The following LTA4H variants were observed in gnomAD, a reference collection of about 807,000 sequenced individuals.
LTA4H encodes leukotriene A4 hydrolase, also known as leukotriene A-4 hydrolase.
Under a neutral mutation model 89.8 loss-of-function variants are expected in LTA4H, and 59 were observed. That is an observed-to-expected ratio of 0.66 (90% CI 0.53 to 0.82). The LOEUF is 0.82. Ranked by LOEUF, LTA4H falls within the 40% of genes least tolerant of loss-of-function variation. The pLI, the probability that LTA4H is intolerant of heterozygous loss-of-function variation, is 0.00. For missense variants in LTA4H, 617 were observed against 727.0 expected, an observed-to-expected ratio of 0.85 and a Z score of 1.74; for synonymous variants, 227 against 253.1, an observed-to-expected ratio of 0.90 and a Z score of 0.98.
chr12:96,004,294 C>T (rs940444243), intron 16 of LTA4H, among the ~76,000 whole-genome samples: 12 of 152,204 alleles, frequency 7.9e-5, no homozygotes, highest in Non-Finnish European at 1.2e-4. Flanking sequence ...AATCATAGTT[C>T]CTTAATTTTT....
intron 1 of LTA4H, 124 bp downstream of exon 1, chr12:96,035,237 C>T (rs1950625316): frequency 1.0e-6 from 1 of 956,316 alleles, no homozygotes; most frequent in Non-Finnish European, 1.5e-6. Flanking sequence ...GAAGAGCAGA[C>T]GGGGACGTGG....
chr12:96,006,833 C>T (rs1020408981), intron 15 of LTA4H, among the ~76,000 whole-genome samples: 2 of 152,112 alleles, frequency 1.3e-5, no homozygotes, highest in African/African-American at 4.8e-5. Flanking sequence ...ATGTTTTCCT[C>T]CATCCCCACA....
At chr12:96,035,195 A>G (rs1205813291) in intron 1 of LTA4H, among the ~76,000 whole-genome samples, 166 bp downstream of exon 1, 1 of 152,194 alleles carries the variant, frequency 6.6e-6, no homozygotes, top group Admixed American at 6.5e-5. Flanking sequence ...CTGGGGGCTG[A>G]AGTGCACAAC....
chr12:96,009,297 AACTT>A (rs1460042051), intron 14 of LTA4H, 149 bp from the exon 15 acceptor site: 1 of 606,132 alleles, frequency 1.6e-6, no homozygotes, highest in Admixed American at 2.9e-5. Flanking sequence ...TATTTTACCT[AACTT>A]ACATACTACT....
exon 1 of LTA4H, chr12:96,043,392 G>A (rs1950703808): frequency 2.0e-6 from 3 of 1,480,358 alleles, no homozygotes; most frequent in Non-Finnish European, 2.7e-6. Context: ...CAGATTAGAG[G>A]AGGTGTAGAC....
chr12:96,023,597 T>C (rs1052003922), intron 4 of LTA4H, among the ~76,000 whole-genome samples: 2 of 152,158 alleles, frequency 1.3e-5, no homozygotes, highest in African/African-American at 4.8e-5. Flanking sequence ...GTGGGATGAT[T>C]TGGGAAGCAA....
intron 6 of LTA4H, among the ~76,000 whole-genome samples, chr12:96,019,744 A>C (rs569947889): frequency 6.6e-6 from 1 of 151,812 alleles, no homozygotes; most frequent in Admixed American, 6.5e-5. Context: ...GGTGCCCGCC[A>C]CCACGCCCAG....
intron 1 of LTA4H, 33 bp from the exon 2 acceptor site, chr12:96,029,218 A>G (rs769450212): frequency 1.5e-6 from 2 of 1,296,418 alleles, no homozygotes; most frequent in South Asian, 2.9e-5. Context: ...GTAAGAAAAT[A>G]GTTTCATTTA....
intron 1 of LTA4H, among the ~76,000 whole-genome samples, chr12:96,030,314 C>T (rs1273440322): frequency 1.3e-5 from 2 of 152,238 alleles, no homozygotes; most frequent in East Asian, 3.9e-4. Context: ...TCCTTCACTC[C>T]CTAGCTCTTA....
upstream of LTA4H, among the ~76,000 whole-genome samples, chr12:96,040,172 G>A (rs1428960639): frequency 6.6e-6 from 1 of 152,184 alleles, no homozygotes. Flanking sequence ...TTTTTCAGGT[G>A]GACTTAGCAG....
chr12:96,022,366 G>A lies in LTA4H; in HGVS notation c.481-115C>T. The A allele has an allele frequency of 6.2e-6, 4 of 644,086 alleles. No homozygotes were observed. The highest frequency in any genetic ancestry group is 2.9e-5 in the East Asian group (1 of 34,968). The allele number at this position is 644,086 out of a possible 1,614,324, so 39.9% of individuals were successfully genotyped here. A position where few individuals can be genotyped will look rare whatever the true frequency, so the allele number is the denominator to read the frequency against. ...CTTGACTATCTAATAAACAGACTAT[G>A]AACACAAAAAGTATATACATATACA... On this transcript the variant is annotated intron_variant, in intron 4 of 18. Transcript: ENST00000228740. The surrounding 1 kb of genome is among the most constrained non-coding windows in gnomAD (Gnocchi z 4.0).
At chr12:96,029,985 T>C (rs1438385793) in intron 1 of LTA4H, among the ~76,000 whole-genome samples, 2 of 152,160 alleles carry the variant, frequency 1.3e-5, no homozygotes, top group South Asian at 2.1e-4. Context: ...TTGACTGCTA[T>C]GACTACTACT....
intron 1 of LTA4H, among the ~76,000 whole-genome samples, chr12:96,033,191 A>G (rs1019647873): frequency 2.0e-5 from 3 of 152,222 alleles, no homozygotes; most frequent in African/African-American, 7.2e-5. Context: ...AAAAATTTTC[A>G]TTCTTTTACT....
chr12:96,015,026 A>G (rs775836137), intron 11 of LTA4H, 27 bp from the exon 12 acceptor site: 2 of 1,602,172 alleles, frequency 1.2e-6, no homozygotes, highest in Admixed American at 3.5e-5. Flanking sequence ...AACATGGAGA[A>G]ACATATAGAA....
chr12:96,015,664 T>C lies in LTA4H; in HGVS notation c.978A>G (p.Glu326=), dbSNP rs1306538707. 6.2e-7 allele frequency: 1 copy of C among 1,613,488 alleles called. No individual in the cohort carries two copies. Among genetic ancestry groups the C allele is most frequent in the East Asian group, 2.2e-5 (1 of 44,878 alleles). Residue 326 remains glutamate, a synonymous_variant, in exon 11 of 19, where the codon GAA becomes GAG. Coordinates refer to ENST00000228740, the MANE Select transcript of LTA4H (RefSeq NM_000895.3). Reference sequence around the variant, plus strand: ...CAAACAATCGTCCGCAAATGTGGCGTTCCAAGTACACAGTATGTCCCTCAT... The same window carrying C: ...CAAACAATCGTCCGCAAATGTGGCGCTCCAAGTACACAGTATGTCCCTCAT... ...WLNEGHTVYL[E]RHICGRLFGE... is the part of the protein sequence containing the mutation.
At chr12:96,010,567 T>C (rs1161710039) in intron 14 of LTA4H, 1 of 152,246 alleles carries the variant, frequency 6.6e-6, no homozygotes, top group Admixed American at 6.5e-5. Context: ...GGAGGACATA[T>C]GGGGAGTTCG....
At chr12:96,020,335 TA>T (rs1950439353) in intron 6 of LTA4H, among the ~76,000 whole-genome samples, 1 of 152,182 alleles carries the variant, frequency 6.6e-6, no homozygotes. Flanking sequence ...GGATAAACCT[TA>T]AGGGCATTAT....
At chr12:96,041,490 G>A (rs1950685344) in intron 1 of LTA4H, among the ~76,000 whole-genome samples, 1 of 151,628 alleles carries the variant, frequency 6.6e-6, no homozygotes, top group Non-Finnish European at 1.5e-5. Context: ...ACAGAAATGT[G>A]TATCCTCTAC....
At chr12:96,023,768 T>C (rs1950480940) in intron 4 of LTA4H, among the ~76,000 whole-genome samples, 1 of 152,208 alleles carries the variant, frequency 6.6e-6, no homozygotes, top group Non-Finnish European at 1.5e-5. Context: ...CAGACAAGTC[T>C]GGAATATATG....
Sources: gnomAD v4.1 joint callset for allele counts (sites outside exome capture counted in the v4.1 genomes callset) on GRCh38, gnomAD v4.1.1 for gene constraint, Gnocchi (gnomAD v3.1) non-coding constraint, MANE v1.5 for transcripts, NCBI Gene and HGNC (gene_info 2026-07-23, HGNC 2026-07-21) for gene names.